The following MAOB variants were observed in gnomAD, a reference collection of about 807,000 sequenced individuals.
The protein encoded by MAOB is amine oxidase [flavin-containing] B.
In MAOB, 15 loss-of-function variants were observed where a neutral mutation model predicts 41.9. The observed-to-expected ratio is 0.36, with a 90% confidence interval of 0.24 to 0.55. The LOEUF (loss-of-function observed/expected upper bound fraction) is 0.55. Ranked by LOEUF, MAOB falls within the 20% of genes least tolerant of loss-of-function variation. The pLI, the probability that MAOB is intolerant of heterozygous loss-of-function variation, is 0.86. For missense variants in MAOB, 345 were observed against 398.7 expected (o/e 0.87, Z 1.15); for synonymous variants, 167 against 144.2 (o/e 1.16, Z -1.13).
chrX:43,792,316 T>C (rs891200398), intron 8 of MAOB, among the ~76,000 whole-genome samples: 1 of 111,766 alleles, frequency 8.9e-6, no homozygotes, highest in Non-Finnish European at 1.9e-5. Context: ...CAAAAGCAAT[T>C]GAAACAAAAA....
chrX:43,773,210 C>A (rs1016578677), intron 12 of MAOB, among the ~76,000 whole-genome samples: 3 of 111,780 alleles, frequency 2.7e-5, no homozygotes, highest in African/African-American at 9.8e-5. Context: ...CATTATGAAG[C>A]CTTCCCAGAT....
intron 3 of MAOB, among the ~76,000 whole-genome samples, chrX:43,806,031 A>G (rs146138477): frequency 8.9e-6 from 1 of 112,591 alleles, no homozygotes; most frequent in Admixed American, 9.4e-5. Flanking sequence ...ACTTTGTTTT[A>G]CAAAGTAATA....
chrX:43,835,260 AT>A (rs1324388887), intron 3 of MAOB, among the ~76,000 whole-genome samples: 2 of 111,771 alleles, frequency 1.8e-5, no homozygotes, highest in African/African-American at 6.5e-5. Context: ...AAAGAAAACA[AT>A]TTTTTCAAGT....
chrX:43,780,038 T>C (rs1056567457), intron 10 of MAOB, among the ~76,000 whole-genome samples: 1 of 111,724 alleles, frequency 9.0e-6, no homozygotes, highest in Non-Finnish European at 1.9e-5. Flanking sequence ...TCCATTTTCA[T>C]ATTCTCCGTA....
rs184931544 is a variant in MAOB, at chrX:43,803,162, T to C, written c.384+138A>G. 68 of 482,074 alleles carry C rather than the reference T, an allele frequency of 1.4e-4. 1 individual carries two copies. The East Asian group carries it at 2.8e-3, about 20-fold the overall frequency. The allele number at this position is 482,074 out of a possible 1,213,427, so 39.7% of individuals were successfully genotyped here. On this transcript the variant is annotated intron_variant, in intron 4 of 14. Coordinates refer to ENST00000378069, the MANE Select transcript of MAOB (RefSeq NM_000898.5). ...TATTATTGCAGAGGTTAGAAACAAGTTCATTCATTCATTTCACAAATCTTT... is the reference window on the plus strand; with the variant it reads ...TATTATTGCAGAGGTTAGAAACAAGCTCATTCATTCATTTCACAAATCTTT...
chrX:43,880,602 G>A (rs2035467271), intron 1 of MAOB, among the ~76,000 whole-genome samples: 1 of 112,284 alleles, frequency 8.9e-6, no homozygotes, highest in Non-Finnish European at 1.9e-5. Context: ...CTTGAGAAAA[G>A]TCAGATCTAC....
At chrX:43,870,837 GAA>G (rs1347451885) in intron 1 of MAOB, among the ~76,000 whole-genome samples, 3 of 85,635 alleles carry the variant, frequency 3.5e-5, no homozygotes, top group East Asian at 7.2e-4. Flanking sequence ...AAAAAGAAAA[GAA>G]AAGAACATGG....
rs747667419 is a variant in MAOB, at chrX:43,795,929, G to A, written c.619-41C>T. On this transcript the variant is annotated intron_variant, in intron 6 of 14. Transcript: ENST00000378069. ...GAGGTGAAAGAGAAACGCAGGAATG[G>A]GCATAAATTGCTAAATTCTTAGTTG... 7.3e-5 allele frequency: 85 copies of A among 1,170,574 alleles called. No individual in the cohort carries two copies. In the South Asian group the frequency reaches 1.7e-3, roughly 23 times the overall value.
chrX:43,808,699 GACACACAC>G (rs147523888), intron 3 of MAOB, among the ~76,000 whole-genome samples: 2 of 87,610 alleles, frequency 2.3e-5, no homozygotes, highest in East Asian at 3.8e-4. Flanking sequence ...TCTACACATA[GACACACAC>G]ACACACACAC....
chrX:43,803,475 G>A (rs1384415274), intron 3 of MAOB, 71 bp from the exon 4 acceptor site: 13 of 1,113,975 alleles, frequency 1.2e-5, no homozygotes, highest in Non-Finnish European at 1.4e-5. Flanking sequence ...TGCCAAATTG[G>A]TAAATGTCTG....
intron 8 of MAOB, among the ~76,000 whole-genome samples, chrX:43,782,735 A>G (rs764562248): frequency 8.9e-6 from 1 of 111,858 alleles, no homozygotes; most frequent in South Asian, 3.8e-4. Flanking sequence ...CGATGCAAAA[A>G]TCCTCAATAA....
chrX:43,831,586 G>A (rs1051110441), intron 3 of MAOB, among the ~76,000 whole-genome samples: 11 of 110,670 alleles, frequency 9.9e-5, no homozygotes, highest in Non-Finnish European at 1.7e-4. Flanking sequence ...AAAAAACAAG[G>A]AAGGAAGAAA....
At chrX:43,787,108 G>C (rs1601973022) in intron 8 of MAOB, among the ~76,000 whole-genome samples, 1 of 108,264 alleles carries the variant, frequency 9.2e-6, no homozygotes, top group East Asian at 2.9e-4. Context: ...AAAACTATGG[G>C]GGGGTGGGTA....
intron 11 of MAOB, among the ~76,000 whole-genome samples, chrX:43,777,110 A>G (rs972843384): frequency 5.4e-5 from 6 of 111,288 alleles, no homozygotes; most frequent in African/African-American, 2.0e-4. Flanking sequence ...GGGACTGTAA[A>G]CTAGTTCAAC....
intron 3 of MAOB, among the ~76,000 whole-genome samples, chrX:43,831,958 T>C (rs1164219004): frequency 2.7e-5 from 3 of 112,062 alleles, no homozygotes; most frequent in Non-Finnish European, 1.9e-5. Context: ...TTTAATAACA[T>C]GTACATAAAT....
chrX:43,779,704 C>T (rs973620940), intron 10 of MAOB, among the ~76,000 whole-genome samples: 5 of 111,236 alleles, frequency 4.5e-5, no homozygotes, highest in African/African-American at 1.6e-4. Flanking sequence ...CAGACCGCTA[C>T]GGCCCTGGCT....
chrX:43,857,368 T>C (rs113152962), intron 1 of MAOB, among the ~76,000 whole-genome samples: 2,765 of 107,270 alleles, frequency 0.026, 86 homozygotes, highest in South Asian at 0.16. Flanking sequence ...TTAGTAGAGA[T>C]GGGGTTTCTT....
At chrX:43,817,890 C>CAT (rs756452901) in intron 3 of MAOB, among the ~76,000 whole-genome samples, 22 of 112,067 alleles carry the variant, frequency 2.0e-4, no homozygotes, top group Middle Eastern at 4.6e-3. Flanking sequence ...TACATTTGTT[C>CAT]ATATATATAT....
intron 1 of MAOB, among the ~76,000 whole-genome samples, chrX:43,853,299 A>G (rs1171084102): frequency 2.8e-5 from 3 of 107,270 alleles, no homozygotes; most frequent in Non-Finnish European, 5.8e-5. Flanking sequence ...AGAAAAGAAA[A>G]CGATGAAATG....
Sources: allele counts gnomAD v4.1 joint callset (sites outside exome capture counted in the v4.1 genomes callset), GRCh38; gene constraint gnomAD v4.1.1; transcripts MANE v1.5; gene names NCBI Gene and HGNC (gene_info 2026-07-23, HGNC 2026-07-21).